The following ALCAM variants were observed in gnomAD, a reference collection of about 807,000 sequenced individuals.
ALCAM encodes the protein CD166 antigen.
In ALCAM, 30 loss-of-function variants were observed where a neutral mutation model predicts 70.9. The ratio of observed to expected loss-of-function variants is 0.42; its 90% CI spans 0.32 to 0.57. The LOEUF is 0.57. Among genes scored for constraint, ALCAM ranks in the 20% least tolerant of loss-of-function variants. The pLI is 0.11. For synonymous variants in ALCAM, 249 were observed against 242.5 expected (o/e 1.03, Z -0.25); for missense variants, 591 against 695.1 (o/e 0.85, Z 1.68).
intron 1 of ALCAM, among the ~76,000 whole-genome samples, chr3:105,487,056 A>T (rs1576195539): frequency 6.6e-6 from 1 of 151,966 alleles, no homozygotes; most frequent in East Asian, 1.9e-4. Context: ...TTGGCAAGAG[A>T]TTTATCTACA....
chr3:105,457,588 CGAA>C (rs1429170883), intron 1 of ALCAM, among the ~76,000 whole-genome samples: 1 of 151,610 alleles, frequency 6.6e-6, no homozygotes, highest in African/African-American at 2.4e-5. Flanking sequence ...GTTAAGAAAA[CGAA>C]GAAATCAGGA....
chr3:105,576,199 G>C lies in ALCAM; in HGVS notation c.*1748G>C, dbSNP rs547103745. 6.6e-6 allele frequency: 1 copy of C among 152,506 alleles called. No homozygotes were observed. Among genetic ancestry groups the C allele is most frequent in the Admixed American group, 6.6e-5 (1 of 15,260 alleles). 9.4% of individuals were successfully genotyped at this position (152,506 alleles called of 1,614,324 possible). A position where few individuals can be genotyped will look rare whatever the true frequency, so the allele number is the denominator to read the frequency against. ...TTGGCAGGAAAAAAAATTGAATCTT[G>C]GTCAACATTTAAACCAAAGTAAAAG... On this transcript the variant is annotated 3_prime_UTR_variant, in exon 16 of 16. Transcript: ENST00000306107.
At chr3:105,382,658 T>A (rs898960934) in intron 1 of ALCAM, among the ~76,000 whole-genome samples, 4 of 152,156 alleles carry the variant, frequency 2.6e-5, no homozygotes, top group Admixed American at 2.0e-4. Flanking sequence ...GGTATCTCAT[T>A]GTGGTTTTGA....
chr3:105,536,199 T>G (rs945126563), intron 6 of ALCAM, among the ~76,000 whole-genome samples: 1 of 151,908 alleles, frequency 6.6e-6, no homozygotes, highest in Non-Finnish European at 1.5e-5. Context: ...ATTCAAGTGC[T>G]TCTCCTGCCT....
intron 1 of ALCAM, among the ~76,000 whole-genome samples, chr3:105,415,108 C>T (rs1296510010): frequency 1.3e-5 from 2 of 152,054 alleles, no homozygotes; most frequent in East Asian, 3.9e-4. Flanking sequence ...GCAGCGTAGT[C>T]CTTTTTAGAG....
chr3:105,373,348 A>C (rs949673155), intron 1 of ALCAM, among the ~76,000 whole-genome samples: 6 of 152,166 alleles, frequency 3.9e-5, no homozygotes, highest in African/African-American at 1.4e-4. Flanking sequence ...ATTTCACTAG[A>C]GAAGTTAACT....
intron 1 of ALCAM, among the ~76,000 whole-genome samples, chr3:105,383,201 C>G (rs1425812766): frequency 6.6e-6 from 1 of 151,718 alleles, no homozygotes; most frequent in African/African-American, 2.4e-5. Flanking sequence ...GGTGCCTGTC[C>G]TCTGTAGTTC....
intron 1 of ALCAM, among the ~76,000 whole-genome samples, chr3:105,430,042 A>G (rs1936888678): frequency 6.6e-6 from 1 of 152,028 alleles, no homozygotes; most frequent in African/African-American, 2.4e-5. Flanking sequence ...AGAGCAATGT[A>G]TGATAATTTT....
At chr3:105,371,173 A>G (rs1326203992) in intron 1 of ALCAM, among the ~76,000 whole-genome samples, 1 of 152,184 alleles carries the variant, frequency 6.6e-6, no homozygotes, top group African/African-American at 2.4e-5. Flanking sequence ...ACTTATCAAA[A>G]AGAAGAAAAT....
At chr3:105,386,658 A>G (rs1040373565) in intron 1 of ALCAM, among the ~76,000 whole-genome samples, 1 of 145,844 alleles carries the variant, frequency 6.9e-6, no homozygotes, top group African/African-American at 2.6e-5. Flanking sequence ...TTATACCACC[A>G]TAAATATATA....
In ALCAM at chr3:105,367,433, T is replaced by C; in HGVS notation, c.25T>C (p.Cys9Arg). The C allele has an allele frequency of 6.2e-7, 1 of 1,613,956 alleles. No individual in the cohort carries two copies. Among genetic ancestry groups the C allele is most frequent in the South Asian group, 1.1e-5 (1 of 91,078 alleles). The change falls in exon 1 of 16, where the codon TGC becomes CGC. Residue 9 changes from cysteine to arginine, a missense_variant. Coordinates refer to ENST00000306107, the MANE Select transcript of ALCAM (RefSeq NM_001627.4). MESKGASSCRLLFCLLISA... is the reference protein window; with the variant it reads MESKGASSRRLLFCLLISA... ...TATGGAATCCAAGGGGGCCAGTTCC[T>C]GCCGTCTGCTCTTCTGCCTCTTGAT...
intron 1 of ALCAM, among the ~76,000 whole-genome samples, chr3:105,496,292 T>A (rs1938733619): frequency 6.6e-6 from 1 of 150,412 alleles, no homozygotes; most frequent in African/African-American, 2.5e-5. Flanking sequence ...ATCTTTGTTA[T>A]ATAATAATAT....
At chr3:105,393,150 A>G (rs1471501694) in intron 1 of ALCAM, among the ~76,000 whole-genome samples, 1 of 151,874 alleles carries the variant, frequency 6.6e-6, no homozygotes, top group Non-Finnish European at 1.5e-5. Flanking sequence ...ACCTACAAAC[A>G]TATTGAAATT....
At chr3:105,552,057 T>G (rs541849927) in intron 12 of ALCAM, 87 bp from the exon 13 acceptor site, 1 of 915,492 alleles carries the variant, frequency 1.1e-6, no homozygotes, top group Admixed American at 2.9e-5. Context: ...TCTTTGAGTA[T>G]TATTACATCA....
At chr3:105,371,423 G>A (rs1366437791) in intron 1 of ALCAM, among the ~76,000 whole-genome samples, 1 of 151,414 alleles carries the variant, frequency 6.6e-6, no homozygotes, top group Admixed American at 6.6e-5. Context: ...TATTAATTAA[G>A]GCTTTTATTA....
chr3:105,432,957 A>G (rs1936969974), intron 1 of ALCAM, among the ~76,000 whole-genome samples: 1 of 152,184 alleles, frequency 6.6e-6, no homozygotes, highest in Non-Finnish European at 1.5e-5. Flanking sequence ...CCAAACTAAT[A>G]TCAACACTAA....
intron 1 of ALCAM, among the ~76,000 whole-genome samples, chr3:105,390,137 G>C (rs912669055): frequency 2.6e-5 from 4 of 151,932 alleles, no homozygotes; most frequent in African/African-American, 4.8e-5. Flanking sequence ...GGTATTTATG[G>C]TTCTAGGTCT....
At chr3:105,390,552 C>G (rs1446695658) in intron 1 of ALCAM, among the ~76,000 whole-genome samples, 2 of 152,004 alleles carry the variant, frequency 1.3e-5, no homozygotes, top group African/African-American at 4.8e-5. Context: ...TGTAGGTTGC[C>G]TGTTCACTCT....
chr3:105,436,521 G>A (rs1417779291), intron 1 of ALCAM, among the ~76,000 whole-genome samples: 1 of 151,920 alleles, frequency 6.6e-6, no homozygotes, highest in Non-Finnish European at 1.5e-5. Context: ...TAGAGATGGG[G>A]TTTCACCGTA....
Sources: gnomAD v4.1 joint callset for allele counts (sites outside exome capture counted in the v4.1 genomes callset) on GRCh38, gnomAD v4.1.1 for gene constraint, MANE v1.5 for transcripts, NCBI Gene and HGNC (gene_info 2026-07-23, HGNC 2026-07-21) for gene names.